Variants in INPPL1 observed in about 807,000 individuals in gnomAD.
INPPL1 encodes inositol polyphosphate phosphatase like 1, also known as phosphatidylinositol 3,4,5-trisphosphate 5-phosphatase 2.
Under a neutral mutation model 139.3 loss-of-function variants are expected in INPPL1, and 91 were observed. The observed-to-expected ratio is 0.65, with a 90% CI of 0.55 to 0.78. INPPL1 has a LOEUF of 0.78. Ranked by LOEUF, INPPL1 falls within the 30% of genes least tolerant of loss-of-function variation. INPPL1 has a pLI of 0.00. For missense variants in INPPL1, 1,411 were observed against 1,665.6 expected, an observed-to-expected ratio of 0.85 and a Z score of 2.66; for synonymous variants, 719 against 686.6, an observed-to-expected ratio of 1.05 and a Z score of -0.74.
In INPPL1 at chr11:72,235,951, C is replaced by G; in HGVS notation, c.2844C>G (p.Pro948=). Residue 948 remains proline, a synonymous_variant, in exon 25 of 28, where the codon CCC becomes CCG. Coordinates refer to ENST00000298229, the MANE Select transcript of INPPL1 (RefSeq NM_001567.4). The surrounding 1 kb of genome is among the most constrained non-coding windows in gnomAD (Gnocchi z 4.9). ...PPPTGRPPAP[P]RAAPREEPLT... Reference sequence around the variant, plus strand: ...CAACGGGGAGGCCCCCAGCCCCACCCCGAGCAGCTCCCCGGGAGGAGCCCT... The same window carrying G: ...CAACGGGGAGGCCCCCAGCCCCACCGCGAGCAGCTCCCCGGGAGGAGCCCT... 6.2e-7 allele frequency: 1 copy of G among 1,608,410 alleles called. No individual in the cohort carries two copies. Among genetic ancestry groups the G allele is most frequent in the Non-Finnish European group, 8.5e-7 (1 of 1,177,696 alleles).
chr11:72,235,733 C>T lies in INPPL1; in HGVS notation c.2718C>T (p.Ser906=). 1 of 1,614,108 alleles carries T rather than the reference C, an allele frequency of 6.2e-7. No individual in the cohort carries two copies. ...AGAKSKAPSV[S]RGSQEPRSGS... ...CAAAGAGCAAAGCCCCCTCTGTGTC[C>T]CGAGGGAGCCAGGAGCCCAGGTGAG... The change falls in exon 24 of 28, where the codon TCC becomes TCT. Residue 906 remains serine (S), a synonymous_variant. Transcript: ENST00000298229. The surrounding 1 kb of genome is among the most constrained non-coding windows in gnomAD (Gnocchi z 4.9).
At chr11:72,236,069 C>A in intron 25 of INPPL1, 83 bp downstream of exon 25, 1 of 787,628 alleles carries the variant, frequency 1.3e-6, no homozygotes, top group Non-Finnish European at 2.0e-6. Context: ...TCAGGGTTGG[C>A]CTGGAGATCA....
In INPPL1 at chr11:72,235,921, G is replaced by A. The variant is rs372904912; in HGVS notation, c.2814G>A (p.Pro938=). 81 of 1,612,774 alleles carry A rather than the reference G, an allele frequency of 5.0e-5. 1 individual carries two copies. The Middle Eastern group carries it at 4.6e-3, about 92-fold the overall frequency. Reference sequence around the variant, plus strand: ...GGTTATTTGAAGAACCAGAGAAACCGCCACCAACGGGGAGGCCCCCAGCCC... The same window carrying A: ...GGTTATTTGAAGAACCAGAGAAACCACCACCAACGGGGAGGCCCCCAGCCC... ...LSRLFEEPEK[P]PPTGRPPAPP... Residue 938 remains proline, a synonymous_variant, in exon 25 of 28, where the codon CCG becomes CCA. Transcript: ENST00000298229. The surrounding 1 kb of genome is among the most constrained non-coding windows in gnomAD (Gnocchi z 4.9).
chr11:72,236,136 G>A (rs1948984981), intron 25 of INPPL1, 150 bp downstream of exon 25: 1 of 584,984 alleles, frequency 1.7e-6, no homozygotes, highest in South Asian at 2.4e-5. Context: ...CCTTATGCCT[G>A]TGGCCAGCCA....
In INPPL1 at chr11:72,230,826, C is replaced by G; in HGVS notation, c.1228C>G (p.Leu410Val). 6.2e-7 allele frequency: 1 copy of G among 1,614,022 alleles called. No individual in the cohort carries two copies. Reference sequence around the variant, plus strand: ...GGAGGCCTTCTGCCAGCTGTTGCAGCTCATGAAGAACAAGCACTCCAAGCA... The same window carrying G: ...GGAGGCCTTCTGCCAGCTGTTGCAGGTCATGAAGAACAAGCACTCCAAGCA... ...KREAFCQLLQ[L>V]MKNKHSKQDE... The change falls in exon 11 of 28, where the codon CTC becomes GTC. Residue 410 changes from leucine to valine, a missense_variant. Physicochemically the swap from Leu to Val is conservative, Grantham distance 32. This residue lies in a region of INPPL1 where 504 missense variants were observed against 595.6 expected (regional missense o/e 0.85). Transcript: ENST00000298229.
intron 14 of INPPL1, 100 bp from the exon 15 acceptor site, chr11:72,232,526 C>A: frequency 6.9e-7 from 1 of 1,452,864 alleles, no homozygotes; most frequent in South Asian, 1.2e-5. Context: ...ATCTTTACCC[C>A]ATCCCTGACT....
At position 72,235,132 on chromosome 11, in the gene INPPL1, C is replaced by G; in HGVS notation, c.2432C>G (p.Ala811Gly). 1 of 1,613,948 alleles carries G rather than the reference C, an allele frequency of 6.2e-7. No individual in the cohort carries two copies. The highest frequency in any genetic ancestry group is 8.5e-7 in the Non-Finnish European group (1 of 1,179,944). Residue 811 changes from alanine to glycine, a missense_variant, in exon 22 of 28, where the codon GCT becomes GGT. Physicochemically the swap from Ala to Gly is moderately conservative, Grantham distance 60. Coordinates refer to ENST00000298229, the MANE Select transcript of INPPL1 (RefSeq NM_001567.4). The surrounding 1 kb of genome is among the most constrained non-coding windows in gnomAD (Gnocchi z 4.9). ...GCTTCCCAGCTCAAACCAATTCTGG[C>G]TGATATCGAGTACCTGCAGGACCAG... is the stretch of plus-strand genomic sequence containing the variant. ...RQLPTLKPIL[A>G]DIEYLQDQHL...
In INPPL1 at chr11:72,234,171, G is replaced by T; in HGVS notation, c.2213-110G>T. ...GACTGGGGAGGCCCCTCCTGGCCCT[G>T]CCTCCTTGCTCTGGACCCCTGATTT... On this transcript the variant is annotated intron_variant, in intron 19 of 27. Transcript: ENST00000298229. The surrounding 1 kb of genome is among the most constrained non-coding windows in gnomAD (Gnocchi z 4.2). 1 of 816,942 alleles carries T rather than the reference G, an allele frequency of 1.2e-6. No homozygotes were observed. Among genetic ancestry groups the T allele is most frequent in the Non-Finnish European group, 2.0e-6 (1 of 489,716 alleles). The allele number at this position is 816,942 out of a possible 1,614,324, so 50.6% of individuals were successfully genotyped here. A position where few individuals can be genotyped will look rare whatever the true frequency, so the allele number is the denominator to read the frequency against.
intron 1 of INPPL1, among the ~76,000 whole-genome samples, chr11:72,226,329 C>T (rs139549052): frequency 0.02 from 3,031 of 152,072 alleles, 70 homozygotes; most frequent in Non-Finnish European, 0.024. Context: ...TACAGGCGCT[C>T]GCCACCAAGC....
chr11:72,227,606 C>A (rs2135420093), intron 1 of INPPL1, among the ~76,000 whole-genome samples: 1 of 152,270 alleles, frequency 6.6e-6, no homozygotes, highest in Non-Finnish European at 1.5e-5. Context: ...TGTCTGTCAG[C>A]ACCCCTCTTG....
rs1340209587 is a variant in INPPL1 at position 72,234,023 on chromosome 11, GGT to G, written c.2213-254_2213-253del. On this transcript the variant is annotated intron_variant, in intron 19 of 27. Coordinates refer to ENST00000298229, the MANE Select transcript of INPPL1 (RefSeq NM_001567.4). This position sits in a 1 kb window ranked among gnomAD's most constrained non-coding sequence, Gnocchi z 4.2. ...GTGTGTGTCCCTGAGTATGCCTGTA[GGT>G]GTGGGAATCCTGCAGGCATTCTGGT... Among the ~76,000 whole-genome samples, 2 of 152,142 alleles carry G rather than the reference GGT, an allele frequency of 1.3e-5. No homozygotes were observed. The highest frequency in any genetic ancestry group is 1.5e-5 in the Non-Finnish European group (1 of 68,032).
In INPPL1 at chr11:72,237,328, C is replaced by T. The variant is rs1467840530; in HGVS notation, c.3084C>T (p.His1028=). ...AITVPAPQLG[H]HRHPRVGEGS... The stretch of plus-strand genomic sequence containing the variant: ...CAGTGCCTGCTCCACAGCTTGGGCA[C>T]CACCGGCACCCTCGTGTGGGAGAGG... Residue 1028 remains histidine (H), a synonymous_variant, in exon 26 of 28, where the codon CAC becomes CAT. Coordinates refer to ENST00000298229, the MANE Select transcript of INPPL1 (RefSeq NM_001567.4). 18 of 1,613,906 alleles carry T rather than the reference C, an allele frequency of 1.1e-5. No individual in the cohort carries two copies. The highest frequency in any genetic ancestry group is 1.5e-5 in the Non-Finnish European group (18 of 1,180,030).
chr11:72,230,906 C>T lies in INPPL1; in HGVS notation c.1300+8C>T. 6.2e-7 allele frequency: 1 copy of T among 1,613,928 alleles called. No homozygotes were observed. Among genetic ancestry groups the T allele is most frequent in the South Asian group, 1.1e-5 (1 of 91,082 alleles). On this transcript the variant is annotated splice_region_variant and intron_variant, in intron 11 of 27. Coordinates refer to ENST00000298229, the MANE Select transcript of INPPL1 (RefSeq NM_001567.4). ...TAGGCACCTGGAACATGGGTCAGGCCCGGGCTGGGGCTGGGGCGGGAGAGA... is the reference window on the plus strand; with the variant it reads ...TAGGCACCTGGAACATGGGTCAGGCTCGGGCTGGGGCTGGGGCGGGAGAGA...
rs1443458224 is a variant in INPPL1 at position 72,234,606 on chromosome 11, G to C, written c.2406G>C (p.Gln802His). 1 of 1,612,658 alleles carries C rather than the reference G, an allele frequency of 6.2e-7. No homozygotes were observed. Among genetic ancestry groups the C allele is most frequent in the Admixed American group, 1.7e-5 (1 of 59,976 alleles). The part of the protein sequence containing the change: ...NFLKVQWSSR[Q>H]LPTLKPILAD... ...TCAAAGTGCAGTGGTCTTCACGCCA[G>C]CTGCCCACGGTGAGGCTGTGGGCAG... Residue 802 changes from glutamine to histidine, a missense_variant, in exon 21 of 28, where the codon CAG (glutamine) becomes CAC (histidine). By Grantham distance (24) the Gln-to-His change is conservative. Coordinates refer to ENST00000298229, the MANE Select transcript of INPPL1 (RefSeq NM_001567.4). This position sits in a 1 kb window ranked among gnomAD's most constrained non-coding sequence, Gnocchi z 4.2.
chr11:72,229,285 C>T lies in INPPL1; in HGVS notation c.659+55C>T, dbSNP rs893722551. On this transcript the variant is annotated intron_variant, in intron 5 of 27. Coordinates refer to ENST00000298229, the MANE Select transcript of INPPL1 (RefSeq NM_001567.4). ...CACCCTTACCTCTGACCTGTCCTCA[C>T]CTGCTTCCCGGCTGCACAGGTGCCC... is the stretch of plus-strand genomic sequence containing the variant. The T allele has an allele frequency of 3.2e-6, 5 of 1,543,888 alleles. No homozygotes were observed. In the African/African-American group the frequency reaches 6.8e-5, roughly 21 times the overall value.
chr11:72,224,212 C>G (rs1445997359), upstream of INPPL1, among the ~76,000 whole-genome samples: 9 of 151,978 alleles, frequency 5.9e-5, no homozygotes, highest in African/African-American at 2.2e-4. Flanking sequence ...CCTGGTTAGC[C>G]AGGGAATCTC....
At position 72,233,953 on chromosome 11, in the gene INPPL1, C is replaced by T. The variant is rs1402952051; in HGVS notation, c.2212+209C>T. On this transcript the variant is annotated intron_variant, in intron 19 of 27. Transcript: ENST00000298229. ...GTGTGCCCATGAGTGTGTGTGCATA[C>T]GTGAGTGTACACCTATCTATGTGTC... Among the ~76,000 whole-genome samples the T allele has an allele frequency of 3.3e-5, 5 of 152,100 alleles. 1 individual carries two copies. Among genetic ancestry groups the T allele is most frequent in the African/African-American group, 9.7e-5 (4 of 41,396 alleles).
In INPPL1 at chr11:72,228,075, A is replaced by T; in HGVS notation, c.183-115A>T. 1 of 1,058,698 alleles carries T rather than the reference A, an allele frequency of 9.4e-7. No individual in the cohort carries two copies. Among genetic ancestry groups the T allele is most frequent in the African/African-American group, 1.5e-5 (1 of 64,518 alleles). 65.6% of individuals were successfully genotyped at this position (1,058,698 alleles called of 1,614,324 possible). A position where few individuals can be genotyped will look rare whatever the true frequency, so the allele number is the denominator to read the frequency against. On this transcript the variant is annotated intron_variant, in intron 1 of 27. Coordinates refer to ENST00000298229, the MANE Select transcript of INPPL1 (RefSeq NM_001567.4). This position sits in a 1 kb window ranked among gnomAD's most constrained non-coding sequence, Gnocchi z 5.0. Reference sequence around the variant, plus strand: ...CTGTGCAGCCTGGGCAGGTGGTTTTAGGGAAACCAAGCTGAGGGGGTTGGG... The same window carrying T: ...CTGTGCAGCCTGGGCAGGTGGTTTTTGGGAAACCAAGCTGAGGGGGTTGGG...
chr11:72,237,917 A>G, intron 26 of INPPL1, 121 bp downstream of exon 26: 1 of 1,440,942 alleles, frequency 6.9e-7, no homozygotes, highest in African/African-American at 1.4e-5. Context: ...ATCACTGGGA[A>G]GTTGGGAGAC....
Sources: allele counts gnomAD v4.1 joint callset (sites outside exome capture counted in the v4.1 genomes callset), GRCh38; gene constraint gnomAD v4.1.1; regional missense constraint gnomAD v4.1.1; non-coding constraint Gnocchi (gnomAD v3.1); transcripts MANE v1.5; gene names NCBI Gene and HGNC (gene_info 2026-07-23, HGNC 2026-07-21).